The following PDILT variants were observed in gnomAD, a reference collection of about 807,000 sequenced individuals.
PDILT encodes protein disulfide isomerase like, testis expressed.
Under a neutral mutation model 53.7 loss-of-function variants are expected in PDILT, and 43 were observed. The ratio of observed to expected loss-of-function variants is 0.80; its 90% CI spans 0.63 to 1.03. PDILT has a LOEUF of 1.03. Among genes scored for constraint, PDILT ranks in the 50% least tolerant of loss-of-function variants. The pLI is 0.00. For missense variants in PDILT, 727 were observed against 712.3 expected (o/e 1.02, Z -0.24); for synonymous variants, 282 against 274.2 (o/e 1.03, Z -0.28).
intron 9 of PDILT, 107 bp from the exon 10 acceptor site, chr16:20,362,689 G>T: frequency 1.0e-6 from 1 of 959,902 alleles, no homozygotes; most frequent in Non-Finnish European, 1.6e-6. Flanking sequence ...CTGCTGTTTT[G>T]CCAATTGCAC....
chr16:20,400,552 G>A (rs1966726950), intron 1 of PDILT, among the ~76,000 whole-genome samples: 2 of 151,494 alleles, frequency 1.3e-5, no homozygotes, highest in Admixed American at 6.6e-5. Context: ...CTCAGGATGG[G>A]GTCTGGATAC....
At chr16:20,378,266 G>T (rs1047392746) in intron 3 of PDILT, among the ~76,000 whole-genome samples, 4 of 152,160 alleles carry the variant, frequency 2.6e-5, no homozygotes, top group African/African-American at 9.7e-5. Context: ...GAACACACTT[G>T]TGTGACTACA....
chr16:20,401,242 C>T (rs1966736743), intron 1 of PDILT, among the ~76,000 whole-genome samples: 1 of 152,176 alleles, frequency 6.6e-6, no homozygotes, highest in Non-Finnish European at 1.5e-5. Context: ...GGTGTTATGC[C>T]ACTTATCAGC....
At chr16:20,393,274 G>T (rs896862467) in intron 2 of PDILT, among the ~76,000 whole-genome samples, 1 of 152,156 alleles carries the variant, frequency 6.6e-6, no homozygotes, top group African/African-American at 2.4e-5. Flanking sequence ...AATGCCTGCC[G>T]TGCTCACAGG....
intron 10 of PDILT, 105 bp downstream of exon 10, chr16:20,362,299 A>G (rs896931605): frequency 1.3e-4 from 158 of 1,231,308 alleles, no homozygotes; most frequent in Non-Finnish European, 1.7e-4. Flanking sequence ...ACAGCTGAGA[A>G]TAAAACTGGT....
At chr16:20,379,450 G>A (rs953004751) in intron 3 of PDILT, among the ~76,000 whole-genome samples, 1 of 152,062 alleles carries the variant, frequency 6.6e-6, no homozygotes, top group South Asian at 2.1e-4. Context: ...ACAGGCATGA[G>A]CCACCACGCC....
chr16:20,367,024 CTTCTTTCT>C (rs528059448), intron 8 of PDILT, among the ~76,000 whole-genome samples: 5,034 of 75,516 alleles, frequency 0.067, 272 homozygotes, highest in East Asian at 0.1. Flanking sequence ...CTCTCTCTTT[CTTCTTTCT>C]TTCTTTCTTT....
chr16:20,372,679 A>G (rs1966323635), intron 7 of PDILT, 123 bp downstream of exon 7: 1 of 1,171,070 alleles, frequency 8.5e-7, no homozygotes, highest in Non-Finnish European at 1.2e-6. Flanking sequence ...CTGACAGGCA[A>G]TTGCAAGTGC....
chr16:20,367,059 CT>C lies in PDILT; in HGVS notation c.1117-1520del, dbSNP rs1401865548. Reference sequence around the variant, plus strand: ...TCTTTCTTTCTTTCTTTCTTTCTTTCTTTCTTTCTTTCTTTCTTTCTTTCTT... The same window carrying C: ...TCTTTCTTTCTTTCTTTCTTTCTTTCTTCTTTCTTTCTTTCTTTCTTTCTT... On this transcript the variant is annotated intron_variant, in intron 8 of 11. Transcript: ENST00000302451. Among the ~76,000 whole-genome samples, 8 of 111,902 alleles carry C rather than the reference CT, an allele frequency of 7.1e-5. 2 individuals are homozygous for C. The highest frequency in any genetic ancestry group is 2.2e-4 in the African/African-American group (6 of 26,706). 73.4% of individuals were successfully genotyped at this position (111,902 alleles called of 152,430 possible). A position where few individuals can be genotyped will look rare whatever the true frequency, so the allele number is the denominator to read the frequency against.
chr16:20,375,701 T>C (rs1001920387), intron 4 of PDILT, among the ~76,000 whole-genome samples: 3 of 152,170 alleles, frequency 2.0e-5, no homozygotes, highest in Admixed American at 2.0e-4. Context: ...TTTTAATATA[T>C]GAGGATGCTT....
rs1051178918 is a variant in PDILT at position 20,403,705 on chromosome 16, C to T, written c.-8+791G>A. Among the ~76,000 whole-genome samples the T allele has an allele frequency of 1.9e-4, 29 of 152,062 alleles. No individual in the cohort carries two copies. The South Asian group carries it at 2.1e-3, about 11-fold the overall frequency. ...TTTTTTTACAATCCATTCGCAAAAC[C>T]GCACACCAGCCAAACTGTTCTCTGT... is the stretch of plus-strand genomic sequence containing the variant. On this transcript the variant is annotated intron_variant, in intron 1 of 11. Transcript: ENST00000302451.
intron 2 of PDILT, among the ~76,000 whole-genome samples, chr16:20,386,474 G>T (rs1337149085): frequency 6.6e-6 from 1 of 152,226 alleles, no homozygotes; most frequent in African/African-American, 2.4e-5. Context: ...CAGAGGGCAA[G>T]TTCCAAGTCC....
chr16:20,386,742 T>C (rs183869011), intron 2 of PDILT, among the ~76,000 whole-genome samples: 50 of 152,356 alleles, frequency 3.3e-4, no homozygotes, highest in Admixed American at 6.5e-4. Flanking sequence ...ATCACCAGCA[T>C]GCACTGGCCA....
intron 2 of PDILT, among the ~76,000 whole-genome samples, chr16:20,389,754 G>T (rs1360457132): frequency 6.6e-6 from 1 of 152,148 alleles, no homozygotes; most frequent in Non-Finnish European, 1.5e-5. Context: ...CCTTCTCTGA[G>T]CAGTGAATGT....
intron 3 of PDILT, among the ~76,000 whole-genome samples, chr16:20,378,447 C>A (rs1007416969): frequency 6.6e-6 from 1 of 152,084 alleles, no homozygotes; most frequent in African/African-American, 2.4e-5. Flanking sequence ...TCTCCTTCTT[C>A]TTCTTTTTAT....
At chr16:20,364,894 G>A (rs1360117276) in intron 9 of PDILT, among the ~76,000 whole-genome samples, 1 of 152,182 alleles carries the variant, frequency 6.6e-6, no homozygotes, top group Non-Finnish European at 1.5e-5. Flanking sequence ...AAAGCCAGAA[G>A]CAAAGAAATC....
At chr16:20,381,770 C>G (rs1966465267) in intron 3 of PDILT, among the ~76,000 whole-genome samples, 1 of 152,126 alleles carries the variant, frequency 6.6e-6, no homozygotes, top group African/African-American at 2.4e-5. Context: ...ATTCCCTTTG[C>G]CCTTTCTCTG....
intron 2 of PDILT, among the ~76,000 whole-genome samples, chr16:20,398,168 C>A (rs972792869): frequency 2.0e-5 from 3 of 152,180 alleles, no homozygotes; most frequent in African/African-American, 7.2e-5. Context: ...ACCATGAATG[C>A]TCACTATGGG....
intron 3 of PDILT, among the ~76,000 whole-genome samples, chr16:20,383,573 T>C (rs1293961239): frequency 1.3e-5 from 2 of 152,092 alleles, no homozygotes; most frequent in Non-Finnish European, 2.9e-5. Context: ...CTATCCTGTG[T>C]CTTTCATGCC....
Sources: gnomAD v4.1 joint callset for allele counts (sites outside exome capture counted in the v4.1 genomes callset) on GRCh38, gnomAD v4.1.1 for gene constraint, MANE v1.5 for transcripts, NCBI Gene and HGNC (gene_info 2026-07-23, HGNC 2026-07-21) for gene names.